Variants in ADAMTS3 observed in about 807,000 individuals in gnomAD.
ADAMTS3 encodes the protein ADAM metallopeptidase with thrombospondin type 1 motif 3.
ADAMTS3 carries 73 observed loss-of-function variants against 129.0 expected under a neutral mutation model. The observed-to-expected ratio is 0.57, with a 90% CI of 0.47 to 0.69. The LOEUF (loss-of-function observed/expected upper bound fraction) is 0.69. Among genes scored for constraint, ADAMTS3 ranks in the 30% least tolerant of loss-of-function variants. ADAMTS3 has a pLI of 0.00. For synonymous variants in ADAMTS3, 477 were observed against 510.8 expected, an observed-to-expected ratio of 0.93 and a Z score of 0.89; for missense variants, 1,457 against 1,514.5, an observed-to-expected ratio of 0.96 and a Z score of 0.63.
chr4:72,472,425 C>G (rs1387172085), intron 3 of ADAMTS3, among the ~76,000 whole-genome samples: 2 of 152,080 alleles, frequency 1.3e-5, no homozygotes, highest in Non-Finnish European at 2.9e-5. Flanking sequence ...ATTAAAGACA[C>G]ATAAACAGTG....
chr4:72,283,961 G>A (rs1478272968), intron 21 of ADAMTS3, among the ~76,000 whole-genome samples: 1 of 151,996 alleles, frequency 6.6e-6, no homozygotes, highest in African/African-American at 2.4e-5. Context: ...ACCACAGAGG[G>A]TATTTTTTTC....
chr4:72,446,485 AG>A (rs549682189), intron 3 of ADAMTS3, among the ~76,000 whole-genome samples: 126 of 151,784 alleles, frequency 8.3e-4, no homozygotes, highest in African/African-American at 2.7e-3. Context: ...TCTTCCAGGA[AG>A]GAAGGTGAGC....
intron 3 of ADAMTS3, among the ~76,000 whole-genome samples, chr4:72,473,021 C>T (rs567678221): frequency 1.3e-5 from 2 of 152,066 alleles, no homozygotes; most frequent in South Asian, 4.1e-4. Flanking sequence ...TACAAAATTT[C>T]TAAAAAGAAT....
intron 3 of ADAMTS3, among the ~76,000 whole-genome samples, chr4:72,442,986 T>C (rs1718158881): frequency 1.3e-5 from 2 of 151,764 alleles, no homozygotes; most frequent in African/African-American, 2.4e-5. Flanking sequence ...ATAATAGTAA[T>C]ACTACAACGA....
At position 72,318,540 on chromosome 4, in the gene ADAMTS3, T is replaced by C; in HGVS notation, c.1485+32A>G. ...GGAGCTACACAAATAGATTTCGAGC[T>C]GCAAAATCTACATCAACTGTGAGCA... On this transcript the variant is annotated intron_variant, in intron 10 of 21. Transcript: ENST00000286657. 1.9e-6 allele frequency: 3 copies of C among 1,606,252 alleles called. 1 individual carries two copies. In the South Asian group the frequency reaches 3.3e-5, roughly 18 times the overall value.
At position 72,569,139 on chromosome 4, in the gene ADAMTS3, C is replaced by A. The variant is rs531891825; in HGVS notation, c.-377G>T. ...GAGCACCATTGGTCCCTAAGGTTAG[C>A]GCGGAGAATGCTTGGGTTCCCCGGA... On this transcript the variant is annotated 5_prime_UTR_variant, in exon 1 of 22. Transcript: ENST00000286657. The A allele has an allele frequency of 6.2e-5, 14 of 225,448 alleles. No individual in the cohort carries two copies. In the East Asian group the frequency reaches 1.1e-3, roughly 18 times the overall value. 14.0% of individuals were successfully genotyped at this position (225,448 alleles called of 1,614,324 possible).
chr4:72,426,803 G>A (rs1722585591), intron 3 of ADAMTS3, among the ~76,000 whole-genome samples: 1 of 151,810 alleles, frequency 6.6e-6, no homozygotes, highest in African/African-American at 2.4e-5. Context: ...TGAGATGAGA[G>A]GACTTGCTTG....
chr4:72,449,304 T>C (rs1355283805), intron 3 of ADAMTS3, among the ~76,000 whole-genome samples: 1 of 151,680 alleles, frequency 6.6e-6, no homozygotes, highest in Admixed American at 6.6e-5. Context: ...AACAGACATC[T>C]CAAACTCTCC....
intron 19 of ADAMTS3, among the ~76,000 whole-genome samples, chr4:72,291,863 A>C (rs1441016660): frequency 6.6e-6 from 1 of 152,190 alleles, no homozygotes; most frequent in African/African-American, 2.4e-5. Flanking sequence ...TTACAGTCCC[A>C]CCAACGGTGT....
chr4:72,366,619 C>A (rs181399551), intron 4 of ADAMTS3, among the ~76,000 whole-genome samples: 1 of 152,216 alleles, frequency 6.6e-6, no homozygotes, highest in Non-Finnish European at 1.5e-5. Flanking sequence ...CTTCATTCTA[C>A]TGCATAAAGC....
At chr4:72,520,240 C>G (rs1720625153) in intron 3 of ADAMTS3, among the ~76,000 whole-genome samples, 2 of 152,336 alleles carry the variant, frequency 1.3e-5, no homozygotes, top group East Asian at 3.9e-4. Flanking sequence ...AGGTGTCAGT[C>G]TGCCCCTACT....
In ADAMTS3 at chr4:72,484,871, G is replaced by A. The variant is rs140154224; in HGVS notation, c.504+63607C>T. 2.0e-3 allele frequency among the ~76,000 whole-genome samples: 304 copies of A among 152,208 alleles called. 1 individual carries two copies. The highest frequency in any genetic ancestry group is 6.9e-3 in the African/African-American group (286 of 41,552). On this transcript the variant is annotated intron_variant, in intron 3 of 21. Transcript: ENST00000286657. ...TTTTAAAGTATAAGACCCCCAAAAT[G>A]CCAGAGTATAAACGACCCTCCCTTT...
chr4:72,288,144 G>C lies in ADAMTS3; in HGVS notation c.3049+607C>G, dbSNP rs543513498. 4.5e-4 allele frequency among the ~76,000 whole-genome samples: 69 copies of C among 152,254 alleles called. No individual in the cohort carries two copies. The South Asian group carries it at 9.9e-3, about 22-fold the overall frequency. On this transcript the variant is annotated intron_variant, in intron 21 of 21. Transcript: ENST00000286657. ...GCCTCCCAAAGTGCTGGGATTACAG[G>C]CATGAGCCACCGCACCTGGCCCCAT...
At chr4:72,459,824 T>C (rs1209294627) in intron 3 of ADAMTS3, among the ~76,000 whole-genome samples, 1 of 151,598 alleles carries the variant, frequency 6.6e-6, no homozygotes. Context: ...TGTAATGAGA[T>C]ATCTTGGGAA....
intron 4 of ADAMTS3, among the ~76,000 whole-genome samples, chr4:72,354,065 G>T (rs1720513679): frequency 6.6e-6 from 1 of 152,000 alleles, no homozygotes; most frequent in Non-Finnish European, 1.5e-5. Flanking sequence ...ATGTGGATAA[G>T]ACGGGATAAG....
chr4:72,518,295 GA>G (rs920561224), intron 3 of ADAMTS3, among the ~76,000 whole-genome samples: 2 of 152,100 alleles, frequency 1.3e-5, no homozygotes, highest in Admixed American at 6.5e-5. Context: ...GTATGGTGCT[GA>G]AAAAAATGTA....
intron 3 of ADAMTS3, among the ~76,000 whole-genome samples, chr4:72,478,687 G>A (rs1427575955): frequency 7.3e-5 from 11 of 151,290 alleles, no homozygotes; most frequent in African/African-American, 2.7e-4. Context: ...TGGAAGTTCT[G>A]GCCAGGGCAA....
chr4:72,379,437 G>GAAAA (rs5859315), intron 4 of ADAMTS3, among the ~76,000 whole-genome samples: 2 of 132,386 alleles, frequency 1.5e-5, no homozygotes, highest in African/African-American at 2.8e-5. Flanking sequence ...TAAACAGTTT[G>GAAAA]AAAAAAAAAA....
intron 3 of ADAMTS3, among the ~76,000 whole-genome samples, chr4:72,449,226 T>G (rs1372628034): frequency 1.3e-5 from 2 of 151,528 alleles, no homozygotes; most frequent in African/African-American, 4.8e-5. Flanking sequence ...TCTGACTGTT[T>G]TTAACACCTA....
Sources: gnomAD v4.1 joint callset for allele counts (sites outside exome capture counted in the v4.1 genomes callset) on GRCh38, gnomAD v4.1.1 for gene constraint, MANE v1.5 for transcripts, NCBI Gene and HGNC (gene_info 2026-07-23, HGNC 2026-07-21) for gene names.